Variants in EFCC1 observed in about 807,000 individuals in gnomAD.
EFCC1 encodes EF-hand and coiled-coil domain-containing protein 1.
EFCC1 carries 50 observed loss-of-function variants against 52.1 expected under a neutral mutation model. That is an observed-to-expected ratio of 0.96 (90% confidence interval 0.76 to 1.21). The LOEUF (loss-of-function observed/expected upper bound fraction) is 1.21. EFCC1 is among the 50% of genes most tolerant of loss of function. The pLI, the probability that EFCC1 is intolerant of heterozygous loss-of-function variation, is 0.00. For synonymous variants in EFCC1, 399 were observed against 396.5 expected, an observed-to-expected ratio of 1.01 and a Z score of -0.08; for missense variants, 837 against 867.3, an observed-to-expected ratio of 0.97 and a Z score of 0.44.
intron 3 of EFCC1, among the ~76,000 whole-genome samples, chr3:129,032,259 G>C (rs2341295): frequency 0.34 from 52,449 of 152,132 alleles, 9,805 homozygotes; most frequent in Middle Eastern, 0.46. Context: ...TAAGAGACTG[G>C]CTTGGCCTTT....
chr3:129,027,234 G>C (rs1290232995), intron 2 of EFCC1, among the ~76,000 whole-genome samples: 1 of 152,212 alleles, frequency 6.6e-6, no homozygotes, highest in African/African-American at 2.4e-5. Flanking sequence ...TTATGCTGAT[G>C]AGCACGGGGA....
At chr3:129,018,684 G>T (rs1285648929) in intron 2 of EFCC1, among the ~76,000 whole-genome samples, 1 of 152,182 alleles carries the variant, frequency 6.6e-6, no homozygotes, top group East Asian at 1.9e-4. Flanking sequence ...ACTGGGCAGG[G>T]GCAGGGATGG....
chr3:129,003,823 C>A lies in EFCC1; in HGVS notation c.726C>A (p.Thr242=). 6.8e-7 allele frequency: 1 copy of A among 1,465,946 alleles called. No individual in the cohort carries two copies. The highest frequency in any genetic ancestry group is 9.0e-7 in the Non-Finnish European group (1 of 1,113,574). The allele number at this position is 1,465,946 out of a possible 1,614,324, so 90.8% of individuals were successfully genotyped here. A position where few individuals can be genotyped will look rare whatever the true frequency, so the allele number is the denominator to read the frequency against. The change falls in exon 2 of 8, where the codon ACC becomes ACA. Residue 242 remains threonine, a synonymous_variant. Transcript: ENST00000683648. ...QVGLWKSQAS[T]HEMGHGGPEA... is the part of the protein sequence containing the mutation. Reference sequence around the variant, plus strand: ...GACTCTGGAAGAGCCAGGCGAGCACCCACGAGATGGGGCACGGCGGGCCGG... The same window carrying A: ...GACTCTGGAAGAGCCAGGCGAGCACACACGAGATGGGGCACGGCGGGCCGG...
At chr3:129,025,981 C>T (rs1194248375) in intron 2 of EFCC1, among the ~76,000 whole-genome samples, 2 of 152,220 alleles carry the variant, frequency 1.3e-5, no homozygotes, top group African/African-American at 2.4e-5. Context: ...TGGAGCCTCC[C>T]GCCTGAGTGC....
At chr3:129,033,199 T>C (rs1946307566) in intron 4 of EFCC1, among the ~76,000 whole-genome samples, 1 of 152,202 alleles carries the variant, frequency 6.6e-6, no homozygotes, top group African/African-American at 2.4e-5. Context: ...CCATTCGTGC[T>C]TTCTCACCAG....
At chr3:129,028,292 C>A (rs1946186608) in intron 2 of EFCC1, among the ~76,000 whole-genome samples, 1 of 151,944 alleles carries the variant, frequency 6.6e-6, no homozygotes, top group African/African-American at 2.4e-5. Context: ...CCATGTTGGC[C>A]AGGCTGGTCT....
chr3:129,013,150 G>T (rs553846547), intron 2 of EFCC1, among the ~76,000 whole-genome samples: 154 of 152,104 alleles, frequency 1.0e-3, no homozygotes, highest in Admixed American at 1.9e-3. Context: ...ACCCAAGCCG[G>T]GTGAGCTCTG....
intron 2 of EFCC1, among the ~76,000 whole-genome samples, chr3:129,018,362 A>C (rs989674430): frequency 6.6e-6 from 1 of 152,260 alleles, no homozygotes; most frequent in Non-Finnish European, 1.5e-5. Context: ...TTACATTTTT[A>C]AATGGCTAGG....
rs1022810337 is a variant in EFCC1, at chr3:129,002,246, G to C, written c.618G>C (p.Glu206Asp). ...DCERVARLEE[E>D]NSSLRELVED... ...AGCGCGTTGCGCGGCTGGAGGAGGAGAATAGCAGCTTGCGCGAGTTGGTGG... is the reference window on the plus strand; with the variant it reads ...AGCGCGTTGCGCGGCTGGAGGAGGACAATAGCAGCTTGCGCGAGTTGGTGG... The change falls in exon 1 of 8, where the codon GAG (glutamate) becomes GAC (aspartate). Residue 206 changes from glutamate (E) to aspartate (D), a missense_variant. Physicochemically the swap from Glu to Asp is conservative, Grantham distance 45. Transcript: ENST00000683648. 1.3e-6 allele frequency: 2 copies of C among 1,531,864 alleles called. No homozygotes were observed. The highest frequency in any genetic ancestry group is 2.5e-5 in the East Asian group (1 of 39,968). 94.9% of individuals were successfully genotyped at this position (1,531,864 alleles called of 1,614,324 possible).
rs373759310 is a variant in EFCC1 at position 129,011,643 on chromosome 3, C to T, written c.980+7566C>T. 1.6e-3 allele frequency among the ~76,000 whole-genome samples: 238 copies of T among 152,058 alleles called. 4 individuals are homozygous for T. In the South Asian group the frequency reaches 0.045, roughly 28 times the overall value. ...CAGGGCAGGATCACAAAGGGGCAGG[C>T]CTTGAAAAGCAAGGAGGCAGAGGAG... On this transcript the variant is annotated intron_variant, in intron 2 of 7. Coordinates refer to ENST00000683648, the MANE Select transcript of EFCC1 (RefSeq NM_001377500.1).
rs974218784 is a variant in EFCC1, at chr3:129,014,297, C to T, written c.980+10220C>T. 7.2e-5 allele frequency among the ~76,000 whole-genome samples: 11 copies of T among 152,294 alleles called. No individual in the cohort carries two copies. Among genetic ancestry groups the T allele is most frequent in the East Asian group, 3.9e-4 (2 of 5,176 alleles). ...GAGGGTCAGGGAGTGTGAGTCAGCT[C>T]GGGCTGCTGTGACAAGCCCCACAGA... On this transcript the variant is annotated intron_variant, in intron 2 of 7. Transcript: ENST00000683648. The surrounding 1 kb of genome is among the most constrained non-coding windows in gnomAD (Gnocchi z 4.3).
Position 129,010,538 on chromosome 3 carries a change from G to A in EFCC1, c.980+6461G>A, listed in dbSNP as rs72977201. On this transcript the variant is annotated intron_variant, in intron 2 of 7. Transcript: ENST00000683648. The surrounding 1 kb of genome is among the most constrained non-coding windows in gnomAD (Gnocchi z 4.3). ...GGTGGGAGAGGGAGGGAGGAGGGAC[G>A]GCAATTGGCTGGCCACCGTGGAGGG... Among the ~76,000 whole-genome samples, 132 of 152,210 alleles carry A rather than the reference G, an allele frequency of 8.7e-4. No individual in the cohort carries two copies. Among genetic ancestry groups the A allele is most frequent in the African/African-American group, 2.9e-3 (119 of 41,526 alleles).
In EFCC1 at chr3:129,040,004, A is replaced by T; in HGVS notation, c.*156A>T. ...CTTCCAAGGTTAAGCCCGAGCCCAGAGCCTCCCATTGCAGCACCTGGCAGC... is the reference window on the plus strand; with the variant it reads ...CTTCCAAGGTTAAGCCCGAGCCCAGTGCCTCCCATTGCAGCACCTGGCAGC... On this transcript the variant is annotated 3_prime_UTR_variant, in exon 8 of 8. Transcript: ENST00000683648. This position sits in a 1 kb window ranked among gnomAD's most constrained non-coding sequence, Gnocchi z 4.4. 1 of 1,031,288 alleles carries T rather than the reference A, an allele frequency of 9.7e-7. No homozygotes were observed. The allele number at this position is 1,031,288 out of a possible 1,614,324, so 63.9% of individuals were successfully genotyped here. A position where few individuals can be genotyped will look rare whatever the true frequency, so the allele number is the denominator to read the frequency against.
Position 129,001,654 on chromosome 3 carries a change from A to G in EFCC1, c.26A>G (p.Glu9Gly). 2 of 1,393,910 alleles carry G rather than the reference A, an allele frequency of 1.4e-6. No homozygotes were observed. The highest frequency in any genetic ancestry group is 2.9e-5 in the East Asian group (1 of 33,976). The allele number at this position is 1,393,910 out of a possible 1,614,324, so 86.3% of individuals were successfully genotyped here. A position where few individuals can be genotyped will look rare whatever the true frequency, so the allele number is the denominator to read the frequency against. Residue 9 changes from glutamate (E) to glycine (G), a missense_variant, in exon 1 of 8, where the codon GAG (glutamate) becomes GGG (glycine). Glu to Gly is a moderately conservative substitution (Grantham distance 98). Transcript: ENST00000683648. MEPVSTGA[E>G]AGMEGAGGDP... ...ATGGAGCCGGTCAGCACGGGCGCGG[A>G]GGCCGGCATGGAGGGCGCGGGAGGT...
chr3:129,026,636 T>C (rs1946118398), intron 2 of EFCC1, among the ~76,000 whole-genome samples: 1 of 152,168 alleles, frequency 6.6e-6, no homozygotes, highest in Non-Finnish European at 1.5e-5. Flanking sequence ...TATGGGGCCA[T>C]ATAACCAGGT....
intron 2 of EFCC1, among the ~76,000 whole-genome samples, chr3:129,026,435 A>G (rs1190729722): frequency 6.6e-6 from 1 of 152,206 alleles, no homozygotes; most frequent in African/African-American, 2.4e-5. Context: ...TGTATTCACA[A>G]TTCCAGCCGC....
chr3:129,033,095 C>A, intron 4 of EFCC1, 129 bp downstream of exon 4: 1 of 1,343,316 alleles, frequency 7.4e-7, no homozygotes, highest in East Asian at 2.8e-5. Context: ...ACTCTGTCCC[C>A]TTGTCCCTCA....
At chr3:129,038,069 A>AC (rs1188089912) in intron 6 of EFCC1, among the ~76,000 whole-genome samples, 19 of 152,136 alleles carry the variant, frequency 1.2e-4, no homozygotes, top group Non-Finnish European at 2.5e-4. Context: ...ATCTCAAAAA[A>AC]AAAAAAAATT....
At chr3:129,006,392 C>T (rs1278856372) in intron 2 of EFCC1, among the ~76,000 whole-genome samples, 3 of 152,258 alleles carry the variant, frequency 2.0e-5, no homozygotes, top group African/African-American at 4.8e-5. Flanking sequence ...TCTTGGCTCA[C>T]TGCAATCTCT....
Sources: gnomAD v4.1 joint callset for allele counts (sites outside exome capture counted in the v4.1 genomes callset) on GRCh38, gnomAD v4.1.1 for gene constraint, Gnocchi (gnomAD v3.1) non-coding constraint, MANE v1.5 for transcripts, NCBI Gene and HGNC (gene_info 2026-07-23, HGNC 2026-07-21) for gene names.